The following GLIS3 variants were observed in gnomAD, a reference collection of about 807,000 sequenced individuals.
GLIS3 encodes GLIS family zinc finger 3, also known as zinc finger protein GLIS3.
In GLIS3, 53 loss-of-function variants were observed where a neutral mutation model predicts 78.6. That is an observed-to-expected ratio of 0.67 (90% CI 0.54 to 0.85). GLIS3 has a LOEUF of 0.85. GLIS3 is among the 40% of genes least tolerant of loss of function. The probability of loss-of-function intolerance (pLI) is 0.00; values close to 1 mark genes in which losing one functional copy is unlikely to be tolerated. For synonymous variants in GLIS3, 684 were observed against 509.9 expected (o/e 1.34, Z -4.60); for missense variants, 1,703 against 1,231.1 (o/e 1.38, Z -5.74).
At chr9:4,274,409 C>T (rs1255581331) in intron 2 of GLIS3, among the ~76,000 whole-genome samples, 1 of 152,050 alleles carries the variant, frequency 6.6e-6, no homozygotes, top group Non-Finnish European at 1.5e-5. Flanking sequence ...GGGATATTCT[C>T]AGGGCAAGCG....
chr9:4,120,384 T>A (rs1832084345), intron 3 of GLIS3, among the ~76,000 whole-genome samples: 2 of 152,248 alleles, frequency 1.3e-5, no homozygotes, highest in Non-Finnish European at 2.9e-5. Context: ...CCAGTTGCCC[T>A]TGACATAGAT....
the GLIS3 span, among the ~76,000 whole-genome samples, chr9:4,479,610 C>T: frequency 6.6e-6 from 1 of 152,148 alleles, no homozygotes; most frequent in African/African-American, 2.4e-5. Flanking sequence ...AGCACCCCTG[C>T]CTCCAGTTAC....
At chr9:3,952,050 C>CA (rs1816736260) in intron 4 of GLIS3, among the ~76,000 whole-genome samples, 1 of 151,852 alleles carries the variant, frequency 6.6e-6, no homozygotes, top group South Asian at 2.1e-4. Context: ...CAGGTACCCC[C>CA]AGGCCAAGAT....
chr9:4,246,365 G>A (rs1435799347), intron 2 of GLIS3, among the ~76,000 whole-genome samples: 2 of 152,168 alleles, frequency 1.3e-5, no homozygotes, highest in Non-Finnish European at 2.9e-5. Context: ...CTGCCCAGAG[G>A]AAGAAACAGG....
At chr9:4,163,064 T>C (rs1586848650) in intron 2 of GLIS3, among the ~76,000 whole-genome samples, 1 of 152,168 alleles carries the variant, frequency 6.6e-6, no homozygotes, top group East Asian at 1.9e-4. Flanking sequence ...GGCATCATGC[T>C]AGGGACTCTA....
chr9:4,450,218 C>A, the GLIS3 span, among the ~76,000 whole-genome samples: 2 of 151,872 alleles, frequency 1.3e-5, no homozygotes, highest in African/African-American at 2.4e-5. Context: ...CTTCAATAGC[C>A]GATTCAATCA....
intron 9 of GLIS3, among the ~76,000 whole-genome samples, chr9:3,844,368 C>A (rs886962411): frequency 6.6e-6 from 1 of 151,458 alleles, no homozygotes; most frequent in Non-Finnish European, 1.5e-5. Flanking sequence ...ACATGTTTAG[C>A]CCTGAAGAGT....
At chr9:4,342,825 A>G (rs1045017850) in intron 2 of GLIS3, among the ~76,000 whole-genome samples, 2 of 152,126 alleles carry the variant, frequency 1.3e-5, no homozygotes, top group Non-Finnish European at 1.5e-5. Context: ...GATTAGCTGT[A>G]TTCATAGGTA....
At chr9:4,277,877 AGGGGAAATACAATATAACC>A (rs1016234664) in intron 2 of GLIS3, among the ~76,000 whole-genome samples, 16 of 152,218 alleles carry the variant, frequency 1.1e-4, no homozygotes, top group African/African-American at 3.9e-4. Context: ...AGCAGGAAGT[AGGGGAAATACAATATAACC>A]GGGATCCTTC....
chr9:4,275,131 C>T (rs1252440800), intron 2 of GLIS3, among the ~76,000 whole-genome samples: 2 of 152,092 alleles, frequency 1.3e-5, no homozygotes, highest in African/African-American at 4.8e-5. Flanking sequence ...TAGATAGAGG[C>T]ATGGAAAGGT....
At chr9:3,853,770 A>G (rs1819586804) in intron 9 of GLIS3, among the ~76,000 whole-genome samples, 1 of 152,194 alleles carries the variant, frequency 6.6e-6, no homozygotes, top group Non-Finnish European at 1.5e-5. Flanking sequence ...CCATTATCCT[A>G]CCATCCTGAT....
chr9:3,913,093 G>C (rs1824257971), intron 6 of GLIS3, among the ~76,000 whole-genome samples: 1 of 152,116 alleles, frequency 6.6e-6, no homozygotes, highest in Admixed American at 6.5e-5. Context: ...CCTTGAATTG[G>C]TTTCTCGCTA....
At chr9:4,049,864 C>T (rs1588539003) in intron 4 of GLIS3, among the ~76,000 whole-genome samples, 3 of 151,846 alleles carry the variant, frequency 2.0e-5, no homozygotes, top group Admixed American at 6.6e-5. Flanking sequence ...TCATCACTGG[C>T]CATCAGAGAA....
At chr9:4,083,172 C>T (rs1230865697) in intron 4 of GLIS3, among the ~76,000 whole-genome samples, 2 of 152,070 alleles carry the variant, frequency 1.3e-5, no homozygotes, top group African/African-American at 4.8e-5. Flanking sequence ...TGGTTTCATC[C>T]ACAATTTGGT....
intron 2 of GLIS3, among the ~76,000 whole-genome samples, chr9:4,171,906 C>G (rs1434791044): frequency 6.6e-6 from 1 of 152,054 alleles, no homozygotes; most frequent in Non-Finnish European, 1.5e-5. Flanking sequence ...AAAGGGAAAC[C>G]AATAAGCAAA....
rs1817815431 is a variant in GLIS3 at position 3,827,984 on chromosome 9, G to A, written c.*288C>T. The stretch of plus-strand genomic sequence containing the variant: ...CACTGGGGTCCTTTAAGGGTTGACA[G>A]CCAGGAAGTAACAGGTATCCAGGAG... On this transcript the variant is annotated 3_prime_UTR_variant, in exon 11 of 11. Coordinates refer to ENST00000381971, the MANE Select transcript of GLIS3 (RefSeq NM_001042413.2). 3 of 458,256 alleles carry A rather than the reference G, an allele frequency of 6.5e-6. No homozygotes were observed. Among genetic ancestry groups the A allele is most frequent in the East Asian group, 8.6e-5 (2 of 23,150 alleles). The allele number at this position is 458,256 out of a possible 1,614,324, so 28.4% of individuals were successfully genotyped here. A position where few individuals can be genotyped will look rare whatever the true frequency, so the allele number is the denominator to read the frequency against.
intron 4 of GLIS3, among the ~76,000 whole-genome samples, chr9:4,063,173 A>G (rs559094404): frequency 3.9e-5 from 6 of 152,302 alleles, no homozygotes; most frequent in African/African-American, 1.4e-4. Flanking sequence ...TGCACATTTC[A>G]CAATATTCCA....
At chr9:4,284,599 AAAG>A (rs536473957) in intron 2 of GLIS3, among the ~76,000 whole-genome samples, 72 of 152,188 alleles carry the variant, frequency 4.7e-4, no homozygotes, top group African/African-American at 1.5e-3. Context: ...GACCAAAAAA[AAAG>A]AAGAAGAAGA....
intron 4 of GLIS3, among the ~76,000 whole-genome samples, chr9:4,109,530 G>C (rs1831041006): frequency 6.6e-6 from 1 of 152,200 alleles, no homozygotes; most frequent in Non-Finnish European, 1.5e-5. Context: ...ATGTTTTAAT[G>C]AGGAATTAAA....
Sources: allele counts gnomAD v4.1 joint callset (sites outside exome capture counted in the v4.1 genomes callset), GRCh38; gene constraint gnomAD v4.1.1; transcripts MANE v1.5; gene names NCBI Gene and HGNC (gene_info 2026-07-23, HGNC 2026-07-21).